Variants in NR3C2 observed in about 807,000 individuals in gnomAD.
The protein encoded by NR3C2 is mineralocorticoid receptor.
NR3C2 carries 15 observed loss-of-function variants against 86.4 expected under a neutral mutation model. The ratio of observed to expected loss-of-function variants is 0.17; its 90% CI spans 0.12 to 0.27. The LOEUF (loss-of-function observed/expected upper bound fraction) is 0.27, where lower values mean the gene tolerates loss of function less well. Ranked by LOEUF, NR3C2 falls within the 10% of genes least tolerant of loss-of-function variation. The pLI, the probability that NR3C2 is intolerant of heterozygous loss-of-function variation, is 1.00. For synonymous variants in NR3C2, 458 were observed against 450.5 expected (o/e 1.02, Z -0.21); for missense variants, 960 against 1,195.6 (o/e 0.80, Z 2.91).
In NR3C2 at chr4:148,372,139, A is replaced by G. The variant is rs61762853; in HGVS notation, c.1757+62965T>C. ...CAAATAAAGATTAGTCCTTTAAACTAGAATGTATTTAAAGTAAGTTCTATT... is the reference window on the plus strand; with the variant it reads ...CAAATAAAGATTAGTCCTTTAAACTGGAATGTATTTAAAGTAAGTTCTATT... On this transcript the variant is annotated intron_variant, in intron 2 of 8. Transcript: ENST00000358102. Among the ~76,000 whole-genome samples, 732 of 152,324 alleles carry G rather than the reference A, an allele frequency of 4.8e-3. 3 individuals carry two copies. Among genetic ancestry groups the G allele is most frequent in the Non-Finnish European group, 7.2e-3 (490 of 68,010 alleles).
chr4:148,416,534 C>A (rs1749012135), intron 2 of NR3C2, among the ~76,000 whole-genome samples: 1 of 152,182 alleles, frequency 6.6e-6, no homozygotes. Context: ...GCTGAAGAGT[C>A]CATGCTCTGG....
rs1730539707 is a variant in NR3C2, at chr4:148,081,254, T to C, written c.*90A>G. 3.3e-6 allele frequency: 5 copies of C among 1,503,312 alleles called. No individual in the cohort carries two copies. The highest frequency in any genetic ancestry group is 4.6e-6 in the Non-Finnish European group (5 of 1,082,496). The allele number at this position is 1,503,312 out of a possible 1,614,324, so 93.1% of individuals were successfully genotyped here. Reference sequence around the variant, plus strand: ...CTGTTGAACAAGTGTGAATCAACCATCACATGTTAAAAACAGGTTTTCTTG... The same window carrying C: ...CTGTTGAACAAGTGTGAATCAACCACCACATGTTAAAAACAGGTTTTCTTG... On this transcript the variant is annotated 3_prime_UTR_variant, in exon 9 of 9. Coordinates refer to ENST00000358102, the MANE Select transcript of NR3C2 (RefSeq NM_000901.5).
chr4:148,363,100 C>T (rs1745923385), intron 2 of NR3C2, among the ~76,000 whole-genome samples: 1 of 152,176 alleles, frequency 6.6e-6, no homozygotes, highest in Admixed American at 6.5e-5. Context: ...GAGGACACTG[C>T]TTTAAACCAC....
At chr4:148,330,116 T>C (rs552306239) in intron 2 of NR3C2, among the ~76,000 whole-genome samples, 1 of 152,330 alleles carries the variant, frequency 6.6e-6, no homozygotes, top group African/African-American at 2.4e-5. Flanking sequence ...CTAGAAAATA[T>C]CTTGGTGTTA....
chr4:148,120,811 G>T (rs1732476225), intron 6 of NR3C2, among the ~76,000 whole-genome samples: 1 of 152,032 alleles, frequency 6.6e-6, no homozygotes, highest in South Asian at 2.1e-4. Flanking sequence ...GTTTTAAAAG[G>T]GAAATTAAAA....
intron 4 of NR3C2, among the ~76,000 whole-genome samples, chr4:148,192,244 A>C (rs9992964): frequency 0.13 from 20,020 of 152,042 alleles, 1,432 homozygotes; most frequent in African/African-American, 0.16. Context: ...AACTGCAGTG[A>C]TTGTTGTCTC....
chr4:148,259,389 C>G (rs1229173100), intron 3 of NR3C2, among the ~76,000 whole-genome samples: 1 of 152,098 alleles, frequency 6.6e-6, no homozygotes, highest in Non-Finnish European at 1.5e-5. Flanking sequence ...GATTTTGGGG[C>G]AGAAGCAAAA....
At chr4:148,319,192 T>C (rs1472152355) in intron 2 of NR3C2, among the ~76,000 whole-genome samples, 1 of 151,986 alleles carries the variant, frequency 6.6e-6, no homozygotes, top group East Asian at 1.9e-4. Context: ...GTTGTAGATA[T>C]GTGGCATTAT....
Position 148,298,006 on chromosome 4 carries a change from G to A in NR3C2, c.1758-37889C>T, listed in dbSNP as rs766836186. Among the ~76,000 whole-genome samples the A allele has an allele frequency of 3.2e-4, 48 of 152,026 alleles. 1 individual carries two copies. Among genetic ancestry groups the A allele is most frequent in the Middle Eastern group, 3.2e-3 (1 of 316 alleles). ...ACTGTTGGAAGGAGTGTAAAGTGTTGTCACTACTTTAGAAAAATGTCCAGC... is the reference window on the plus strand; with the variant it reads ...ACTGTTGGAAGGAGTGTAAAGTGTTATCACTACTTTAGAAAAATGTCCAGC... On this transcript the variant is annotated intron_variant, in intron 2 of 8. Transcript: ENST00000358102.
intron 2 of NR3C2, among the ~76,000 whole-genome samples, chr4:148,351,747 T>C (rs1745289264): frequency 6.6e-6 from 1 of 152,132 alleles, no homozygotes; most frequent in South Asian, 2.1e-4. Context: ...AAAGAGCAAA[T>C]AAATTGACTC....
At chr4:148,269,074 T>C (rs1740537911) in intron 2 of NR3C2, among the ~76,000 whole-genome samples, 1 of 152,114 alleles carries the variant, frequency 6.6e-6, no homozygotes, top group South Asian at 2.1e-4. Context: ...TGTGGAACAA[T>C]GACTGACTGA....
At chr4:148,353,481 A>G (rs1477553066) in intron 2 of NR3C2, among the ~76,000 whole-genome samples, 2 of 152,144 alleles carry the variant, frequency 1.3e-5, no homozygotes, top group East Asian at 1.9e-4. Context: ...TCTAGAATAT[A>G]TAACACTGGA....
chr4:148,245,955 A>G (rs114567003), intron 3 of NR3C2, among the ~76,000 whole-genome samples: 384 of 152,338 alleles, frequency 2.5e-3, no homozygotes, highest in African/African-American at 8.9e-3. Context: ...TACTTGTGTA[A>G]AATAAAATAA....
intron 3 of NR3C2, among the ~76,000 whole-genome samples, chr4:148,224,711 T>G (rs1480048130): frequency 2.0e-5 from 3 of 152,210 alleles, no homozygotes; most frequent in Admixed American, 2.0e-4. Flanking sequence ...CTTAGAAAAC[T>G]GTGAAGCTTC....
intron 8 of NR3C2, among the ~76,000 whole-genome samples, chr4:148,101,279 A>T (rs1312262988): frequency 6.6e-6 from 1 of 152,242 alleles, no homozygotes; most frequent in African/African-American, 2.4e-5. Context: ...GCTGTTGACC[A>T]ACTGTTGGTA....
chr4:148,438,531 A>C (rs149918530), intron 1 of NR3C2, among the ~76,000 whole-genome samples: 1 of 152,106 alleles, frequency 6.6e-6, no homozygotes, highest in African/African-American at 2.4e-5. Context: ...CATTCTATAC[A>C]CAAGTTTTAT....
intron 3 of NR3C2, among the ~76,000 whole-genome samples, chr4:148,201,880 G>A (rs1736740212): frequency 6.6e-6 from 1 of 152,086 alleles, no homozygotes; most frequent in Non-Finnish European, 1.5e-5. Context: ...CTGATCGTCA[G>A]GGTAGTACCC....
chr4:148,390,039 G>T (rs368982700), intron 2 of NR3C2, among the ~76,000 whole-genome samples: 16 of 151,704 alleles, frequency 1.1e-4, no homozygotes, highest in Middle Eastern at 3.2e-3. Context: ...ATAAAACATA[G>T]ACTGGAGAGG....
intron 3 of NR3C2, among the ~76,000 whole-genome samples, chr4:148,217,085 T>C (rs950036775): frequency 1.3e-5 from 2 of 152,250 alleles, no homozygotes; most frequent in Admixed American, 6.5e-5. Context: ...GAACTTTATA[T>C]AGTATGTTTT....
Sources: gnomAD v4.1 joint callset for allele counts (sites outside exome capture counted in the v4.1 genomes callset) on GRCh38, gnomAD v4.1.1 for gene constraint, MANE v1.5 for transcripts, NCBI Gene and HGNC (gene_info 2026-07-23, HGNC 2026-07-21) for gene names.